Variants in SLAMF6 observed in about 807,000 individuals in gnomAD.
SLAMF6 encodes NK-T-B-antigen.
In SLAMF6, 21 loss-of-function variants were observed where a neutral mutation model predicts 38.3. The ratio of observed to expected loss-of-function variants is 0.55; its 90% confidence interval spans 0.39 to 0.79. SLAMF6 has a LOEUF of 0.79. SLAMF6 is among the 30% of genes least tolerant of loss of function. The pLI, the probability that SLAMF6 is intolerant of heterozygous loss-of-function variation, is 0.00. For missense variants in SLAMF6, 341 were observed against 385.3 expected (o/e 0.89, Z 0.96); for synonymous variants, 152 against 146.3 (o/e 1.04, Z -0.28).
chr1:160,504,598 A>C (rs1241035214), intron 1 of SLAMF6, among the ~76,000 whole-genome samples: 1 of 152,190 alleles, frequency 6.6e-6, no homozygotes, highest in Non-Finnish European at 1.5e-5. Context: ...CTCCCTAAAA[A>C]ACTGAGGAAA....
chr1:160,503,418 A>C (rs1417758593), intron 1 of SLAMF6, among the ~76,000 whole-genome samples: 1 of 151,824 alleles, frequency 6.6e-6, no homozygotes, highest in African/African-American at 2.4e-5. Flanking sequence ...CATTACCTTC[A>C]ATGGGAAAAT....
chr1:160,515,731 A>T (rs1418709744), intron 1 of SLAMF6, among the ~76,000 whole-genome samples: 1 of 152,234 alleles, frequency 6.6e-6, no homozygotes, highest in Non-Finnish European at 1.5e-5. Flanking sequence ...AATTCATCTC[A>T]TAAACAGATC....
Position 160,496,324 on chromosome 1 carries a change from A to G in SLAMF6, c.119T>C (p.Leu40Pro), listed in dbSNP as rs751126809. 1.2e-6 allele frequency: 2 copies of G among 1,614,012 alleles called. No homozygotes were observed. Among genetic ancestry groups the G allele is most frequent in the Non-Finnish European group, 1.7e-6 (2 of 1,179,910 alleles). Residue 40 changes from leucine (L) to proline (P), a missense_variant, in exon 2 of 8, where the codon CTT (leucine) becomes CCT (proline). Coordinates refer to ENST00000368057, the MANE Select transcript of SLAMF6 (RefSeq NM_001184714.2). ...VNGILGESVT[L>P]PLEFPAGEKV... ...CTCTCCTGCAGGAAACTCCAGGGGA[A>G]GAGTTACTGACTCCCCCAGAATCCC...
chr1:160,517,529 C>T (rs536338384), intron 1 of SLAMF6, among the ~76,000 whole-genome samples: 5 of 152,224 alleles, frequency 3.3e-5, no homozygotes, highest in Middle Eastern at 3.4e-3. Context: ...ATATAAATCG[C>T]TCTGTTACAA....
Position 160,486,503 on chromosome 1 carries a change from A to C in SLAMF6, c.*204T>G, listed in dbSNP as rs768665984. 19 of 552,652 alleles carry C rather than the reference A, an allele frequency of 3.4e-5. No homozygotes were observed. The highest frequency in any genetic ancestry group is 6.1e-5 in the Non-Finnish European group (19 of 310,418). 34.2% of individuals were successfully genotyped at this position (552,652 alleles called of 1,614,324 possible). On this transcript the variant is annotated 3_prime_UTR_variant, in exon 8 of 8. Transcript: ENST00000368057. The stretch of plus-strand genomic sequence containing the variant: ...AAGTGGATTGGAAAATATTATTTGA[A>C]CCACATGCTGGAAATGATGTTATCC...
At chr1:160,506,996 A>G (rs994500060) in intron 1 of SLAMF6, among the ~76,000 whole-genome samples, 5 of 152,100 alleles carry the variant, frequency 3.3e-5, no homozygotes, top group Admixed American at 6.6e-5. Context: ...GGTTTAAGAC[A>G]TACAGAAAAG....
intron 5 of SLAMF6, among the ~76,000 whole-genome samples, chr1:160,489,652 C>T (rs868496926): frequency 2.0e-5 from 3 of 152,188 alleles, no homozygotes; most frequent in South Asian, 2.1e-4. Context: ...GATGAAACAG[C>T]AACTCAAATG....
At chr1:160,509,774 A>G (rs1256482879) in intron 1 of SLAMF6, among the ~76,000 whole-genome samples, 1 of 152,190 alleles carries the variant, frequency 6.6e-6, no homozygotes, top group African/African-American at 2.4e-5. Context: ...AATAACATAG[A>G]GAATAGAAAA....
chr1:160,502,371 T>A (rs1653950284), intron 1 of SLAMF6, among the ~76,000 whole-genome samples: 1 of 152,184 alleles, frequency 6.6e-6, no homozygotes, highest in Admixed American at 6.6e-5. Context: ...ATGAAGGTGA[T>A]GCTGAGGTCT....
At chr1:160,505,718 A>T (rs561407475) in intron 1 of SLAMF6, among the ~76,000 whole-genome samples, 1 of 152,182 alleles carries the variant, frequency 6.6e-6, no homozygotes, top group African/African-American at 2.4e-5. Context: ...TATCTTAAAT[A>T]TGCTCAAAAA....
At chr1:160,487,239 T>A in intron 6 of SLAMF6, 64 bp from the exon 7 acceptor site, 1 of 1,391,360 alleles carries the variant, frequency 7.2e-7, no homozygotes, top group Admixed American at 2.0e-5. Flanking sequence ...ATAGATATAT[T>A]CTTAGGAAAG....
chr1:160,513,272 A>G (rs978824854), intron 1 of SLAMF6, among the ~76,000 whole-genome samples: 4 of 152,192 alleles, frequency 2.6e-5, no homozygotes, highest in African/African-American at 9.7e-5. Context: ...TAAGAGATTG[A>G]AGACTATCTT....
intron 1 of SLAMF6, among the ~76,000 whole-genome samples, chr1:160,519,557 T>G (rs1319961001): frequency 6.6e-6 from 1 of 152,092 alleles, no homozygotes; most frequent in African/African-American, 2.4e-5. Context: ...TGTCCACTGA[T>G]AGATAAATGG....
rs546828499 is a variant in SLAMF6, at chr1:160,517,531, C to T, written c.49+5613G>A. ...TATACCCAAAGGAATATAAATCGCT[C>T]TGTTACAAAGATATATGCATGCATA... is the stretch of plus-strand genomic sequence containing the variant. On this transcript the variant is annotated intron_variant, in intron 1 of 7. Transcript: ENST00000368057. 5.9e-5 allele frequency among the ~76,000 whole-genome samples: 9 copies of T among 152,240 alleles called. No homozygotes were observed. The South Asian group carries it at 1.7e-3, about 28-fold the overall frequency.
chr1:160,503,808 G>C (rs528703280), intron 1 of SLAMF6, among the ~76,000 whole-genome samples: 2 of 152,088 alleles, frequency 1.3e-5, no homozygotes, highest in South Asian at 4.2e-4. Flanking sequence ...GTCAAAAAAA[G>C]AGGCAACTTA....
At chr1:160,518,862 G>T (rs1654863551) in intron 1 of SLAMF6, among the ~76,000 whole-genome samples, 1 of 152,028 alleles carries the variant, frequency 6.6e-6, no homozygotes, top group African/African-American at 2.4e-5. Context: ...CAAACCACCA[G>T]GGCACATGTT....
Position 160,486,725 on chromosome 1 carries a change from G to A in SLAMF6, c.981C>T (p.Ala327=), listed in dbSNP as rs145779228. The A allele has an allele frequency of 1.6e-5, 26 of 1,613,710 alleles. No homozygotes were observed. Among genetic ancestry groups the A allele is most frequent in the Non-Finnish European group, 5.9e-6 (7 of 1,179,854 alleles). The change falls in exon 8 of 8, where the codon GCC becomes GCT. Residue 327 remains alanine, a synonymous_variant. Coordinates refer to ENST00000368057, the MANE Select transcript of SLAMF6 (RefSeq NM_001184714.2). ...ESKPTFSRAT[A]LDNVV Reference sequence around the variant, plus strand: ...CAGCAACTTACACGACATTGTCAAGGGCAGTTGCCCTGGAAAAAGTGGGTT... The same window carrying A: ...CAGCAACTTACACGACATTGTCAAGAGCAGTTGCCCTGGAAAAAGTGGGTT...
At chr1:160,500,185 G>A (rs1446996115) in intron 1 of SLAMF6, among the ~76,000 whole-genome samples, 1 of 152,166 alleles carries the variant, frequency 6.6e-6, no homozygotes, top group African/African-American at 2.4e-5. Flanking sequence ...AATTCATTGA[G>A]CTGACATTTA....
In SLAMF6 at chr1:160,491,145, G is replaced by A; in HGVS notation, c.626C>T (p.Ser209Phe). Residue 209 changes from serine to phenylalanine, a missense_variant, in exon 3 of 8, where the codon TCT (serine) becomes TTT (phenylalanine). Transcript: ENST00000368057. ...NAVSNLSFSV[S>F]AQKLCEDVKI... ...GTTACCTTCGCAAAGCTTCTGGGCAGAGACAGAGAAGGATAAATTACTGAC... is the reference window on the plus strand; with the variant it reads ...GTTACCTTCGCAAAGCTTCTGGGCAAAGACAGAGAAGGATAAATTACTGAC... 1 of 1,613,868 alleles carries A rather than the reference G, an allele frequency of 6.2e-7. No individual in the cohort carries two copies. The highest frequency in any genetic ancestry group is 1.3e-5 in the African/African-American group (1 of 75,032).
Sources: gnomAD v4.1 joint callset for allele counts (sites outside exome capture counted in the v4.1 genomes callset) on GRCh38, gnomAD v4.1.1 for gene constraint, MANE v1.5 for transcripts, NCBI Gene and HGNC (gene_info 2026-07-23, HGNC 2026-07-21) for gene names.